The following CACNA1G variants were observed in gnomAD, a reference collection of about 807,000 sequenced individuals.
CACNA1G encodes the protein voltage-dependent T-type calcium channel subunit alpha-1G.
In CACNA1G, 67 loss-of-function variants were observed where a neutral mutation model predicts 219.4. The observed-to-expected ratio is 0.31, with a 90% CI of 0.25 to 0.37. The LOEUF (loss-of-function observed/expected upper bound fraction) is 0.37. CACNA1G is among the 10% of genes least tolerant of loss of function. CACNA1G has a pLI of 1.00. For synonymous variants in CACNA1G, 1,296 were observed against 1,345.3 expected, an observed-to-expected ratio of 0.96 and a Z score of 0.80; for missense variants, 2,380 against 3,231.4, an observed-to-expected ratio of 0.74 and a Z score of 6.39.
At chr17:50,610,667 T>C (rs2049008433) in intron 26 of CACNA1G, among the ~76,000 whole-genome samples, 1 of 152,054 alleles carries the variant, frequency 6.6e-6, no homozygotes. Flanking sequence ...CATAACACTA[T>C]GTCTCCAGCT....
intron 25 of CACNA1G, among the ~76,000 whole-genome samples, 198 bp downstream of exon 25, chr17:50,608,217 A>G (rs932360414): frequency 6.6e-6 from 1 of 151,936 alleles, no homozygotes; most frequent in African/African-American, 2.4e-5. Context: ...CTTCAGCCCC[A>G]TGGGTAGGGG....
In CACNA1G at chr17:50,600,214, A is replaced by G. The variant is rs1056667344; in HGVS notation, c.3690+355A>G. On this transcript the variant is annotated intron_variant, in intron 17 of 37. Transcript: ENST00000359106. The surrounding 1 kb of genome is among the most constrained non-coding windows in gnomAD (Gnocchi z 4.1). Reference sequence around the variant, plus strand: ...CCCTTTCTCGTCTCAACCTCATCACAAGCCATGACTTCCCACTCTATCCAT... The same window carrying G: ...CCCTTTCTCGTCTCAACCTCATCACGAGCCATGACTTCCCACTCTATCCAT... Among the ~76,000 whole-genome samples the G allele has an allele frequency of 7.9e-5, 12 of 152,068 alleles. No individual in the cohort carries two copies. The highest frequency in any genetic ancestry group is 7.9e-4 in the Admixed American group (12 of 15,276).
intron 34 of CACNA1G, among the ~76,000 whole-genome samples, chr17:50,620,384 C>G (rs575512216): frequency 6.9e-4 from 105 of 152,378 alleles, no homozygotes; most frequent in African/African-American, 2.2e-3. Flanking sequence ...AAGGCTCCAG[C>G]TGGGAGTGGA....
intron 37 of CACNA1G, 90 bp downstream of exon 37, chr17:50,624,619 C>A: frequency 2.4e-6 from 3 of 1,257,866 alleles, no homozygotes; most frequent in Admixed American, 2.4e-5. Context: ...ATTCTTCCAG[C>A]AAATATTTAT....
In CACNA1G at chr17:50,571,276, A is replaced by G. The variant is rs912350209; in HGVS notation, c.587-602A>G. 2.0e-5 allele frequency among the ~76,000 whole-genome samples: 3 copies of G among 152,220 alleles called. No individual in the cohort carries two copies. The highest frequency in any genetic ancestry group is 2.9e-5 in the Non-Finnish European group (2 of 68,046). ...GCACAGGGCATCTTGGCCCCTGCCTAGGAGCTGGCTCTCAAAATGAGATTC... is the reference window on the plus strand; with the variant it reads ...GCACAGGGCATCTTGGCCCCTGCCTGGGAGCTGGCTCTCAAAATGAGATTC... On this transcript the variant is annotated intron_variant, in intron 4 of 37. Coordinates refer to ENST00000359106, the MANE Select transcript of CACNA1G (RefSeq NM_018896.5). The surrounding 1 kb of genome is among the most constrained non-coding windows in gnomAD (Gnocchi z 4.3).
chr17:50,590,818 C>T (rs539286341), intron 10 of CACNA1G, among the ~76,000 whole-genome samples, 196 bp downstream of exon 10: 3 of 152,280 alleles, frequency 2.0e-5, no homozygotes, highest in African/African-American at 7.2e-5. Flanking sequence ...CTCTTGGCCC[C>T]ACCTTGCTCC....
chr17:50,606,049 C>T, intron 23 of CACNA1G, 26 bp downstream of exon 23: 2 of 1,613,818 alleles, frequency 1.2e-6, no homozygotes, highest in South Asian at 2.2e-5. Context: ...AGAGGTGGGG[C>T]TGTGGTGAAG....
chr17:50,589,928 G>C (rs1270450796), intron 9 of CACNA1G, among the ~76,000 whole-genome samples: 3 of 151,394 alleles, frequency 2.0e-5, no homozygotes, highest in Admixed American at 6.6e-5. Flanking sequence ...GTGTGTGTGT[G>C]TGTGTGTGTG....
Position 50,572,662 on chromosome 17 carries a change from G to A in CACNA1G, c.855G>A (p.Val285=). 6.2e-7 allele frequency: 1 copy of A among 1,608,408 alleles called. No individual in the cohort carries two copies. Among genetic ancestry groups the A allele is most frequent in the Non-Finnish European group, 8.5e-7 (1 of 1,177,474 alleles). Residue 285 remains valine (V), a synonymous_variant, in exon 6 of 38, where the codon GTG becomes GTA. Coordinates refer to ENST00000359106, the MANE Select transcript of CACNA1G (RefSeq NM_018896.5). ...RENGMRSCRS[V]PTLRGDGGGG... ...ACGGCATGCGGTCCTGCAGAAGCGT[G>A]CCCACGCTGCGCGGGGACGGGGGCG...
intron 16 of CACNA1G, 89 bp downstream of exon 16, chr17:50,597,012 C>A: frequency 8.1e-7 from 1 of 1,238,844 alleles, no homozygotes; most frequent in Non-Finnish European, 1.1e-6. Context: ...GGTCCAAGGG[C>A]ACAGCCCCTG....
In CACNA1G at chr17:50,615,516, G is replaced by A; in HGVS notation, c.4911+4G>A. 1 of 1,612,142 alleles carries A rather than the reference G, an allele frequency of 6.2e-7. No individual in the cohort carries two copies. The highest frequency in any genetic ancestry group is 1.1e-5 in the South Asian group (1 of 90,918). ...GGAGCACTACCAGCAGCCCCAGGTAGGAGCGAGTGGACCAGCCATCTGGCC... is the reference window on the plus strand; with the variant it reads ...GGAGCACTACCAGCAGCCCCAGGTAAGAGCGAGTGGACCAGCCATCTGGCC... On this transcript the variant is annotated splice_donor_region_variant and intron_variant, in intron 27 of 37. Coordinates refer to ENST00000359106, the MANE Select transcript of CACNA1G (RefSeq NM_018896.5).
intron 9 of CACNA1G, among the ~76,000 whole-genome samples, chr17:50,583,740 G>A (rs1472758765): frequency 6.6e-6 from 1 of 152,172 alleles, no homozygotes; most frequent in African/African-American, 2.4e-5. Flanking sequence ...CATGCACAGG[G>A]TGGCACTCGA....
chr17:50,575,505 C>A, intron 7 of CACNA1G, 38 bp from the exon 8 acceptor site: 1 of 1,560,574 alleles, frequency 6.4e-7, no homozygotes, highest in Non-Finnish European at 8.7e-7. Flanking sequence ...ATTCACTTTT[C>A]TTCAGGACAT....
In CACNA1G at chr17:50,605,890, G is replaced by C; in HGVS notation, c.4297-8G>C. On this transcript the variant is annotated splice_polypyrimidine_tract_variant and splice_region_variant and intron_variant, in intron 22 of 37. Coordinates refer to ENST00000359106, the MANE Select transcript of CACNA1G (RefSeq NM_018896.5). ...CACTTTTCTCTGTCTCTGGGAATGT[G>C]TGTCCAGCTCTTCAAAGGGAAGTTT... is the stretch of plus-strand genomic sequence containing the variant. 1 of 1,613,108 alleles carries C rather than the reference G, an allele frequency of 6.2e-7. No individual in the cohort carries two copies. The highest frequency in any genetic ancestry group is 1.1e-5 in the South Asian group (1 of 91,084).
In CACNA1G at chr17:50,576,016, G is replaced by A. The variant is rs1288845414; in HGVS notation, c.1614G>A (p.Ser538=). 5.1e-6 allele frequency: 8 copies of A among 1,561,226 alleles called. No individual in the cohort carries two copies. Among genetic ancestry groups the A allele is most frequent in the East Asian group, 2.4e-5 (1 of 41,530 alleles). The change falls in exon 8 of 38, where the codon TCG becomes TCA. Residue 538 remains serine (S), a synonymous_variant. Transcript: ENST00000359106. ...GSRRLMLPPP[S]TPALSGAPPG... is the part of the protein sequence containing the mutation. ...GCCGGCTCATGCTGCCACCACCCTCGACGCCTGCCCTCTCCGGGGCCCCCC... is the reference window on the plus strand; with the variant it reads ...GCCGGCTCATGCTGCCACCACCCTCAACGCCTGCCCTCTCCGGGGCCCCCC...
At chr17:50,619,564 G>A (rs570495114) in intron 33 of CACNA1G, 119 bp from the exon 34 acceptor site, 2 of 869,814 alleles carry the variant, frequency 2.3e-6, no homozygotes, top group Non-Finnish European at 3.5e-6. Flanking sequence ...GTGTTGTCTG[G>A]GTGTCACCTC....
rs567812500 is a variant in CACNA1G, at chr17:50,616,196, C to T, written c.4912-79C>T. Reference sequence around the variant, plus strand: ...AGTTCCCCTGCCTCTCAGACCTGGGCGGTATGATGGAGGGGCGGGGGGACA... The same window carrying T: ...AGTTCCCCTGCCTCTCAGACCTGGGTGGTATGATGGAGGGGCGGGGGGACA... On this transcript the variant is annotated intron_variant, in intron 27 of 37. Transcript: ENST00000359106. 178 of 835,412 alleles carry T rather than the reference C, an allele frequency of 2.1e-4. No individual in the cohort carries two copies. The Admixed American group carries it at 2.2e-3, about 10-fold the overall frequency. The allele number at this position is 835,412 out of a possible 1,614,324, so 51.7% of individuals were successfully genotyped here. A position where few individuals can be genotyped will look rare whatever the true frequency, so the allele number is the denominator to read the frequency against.
At chr17:50,601,626 C>G (rs1390807677) in intron 19 of CACNA1G, among the ~76,000 whole-genome samples, 1 of 152,150 alleles carries the variant, frequency 6.6e-6, no homozygotes, top group Non-Finnish European at 1.5e-5. Context: ...ATAGTGGGGA[C>G]ATGGGTCACT....
At position 50,626,690 on chromosome 17, in the gene CACNA1G, CAAAG is replaced by C; in HGVS notation, c.7079_7082del (p.Lys2360MetfsTer3). 5 of 1,613,296 alleles carry C rather than the reference CAAAG, an allele frequency of 3.1e-6. No individual in the cohort carries two copies. Among genetic ancestry groups the C allele is most frequent in the Non-Finnish European group, 4.2e-6 (5 of 1,179,862 alleles). On this transcript the variant is annotated frameshift_variant, in exon 38 of 38. Coordinates refer to ENST00000359106, the MANE Select transcript of CACNA1G (RefSeq NM_018896.5). LOFTEE classifies it high-confidence loss of function. The surrounding 1 kb of genome is among the most constrained non-coding windows in gnomAD (Gnocchi z 4.3). ...GACAGCATGGCTGCCTCGCCCTCCC[CAAAG>C]AAAGATGTGCTGAGTCTCTCCGGTT...
Sources: allele counts gnomAD v4.1 joint callset (sites outside exome capture counted in the v4.1 genomes callset), GRCh38; gene constraint gnomAD v4.1.1; non-coding constraint Gnocchi (gnomAD v3.1); transcripts MANE v1.5; gene names NCBI Gene and HGNC (gene_info 2026-07-23, HGNC 2026-07-21).